RANBP2: variants seen among roughly 807,000 people sequenced by gnomAD.
The protein encoded by RANBP2 is E3 SUMO-protein ligase RanBP2.
Under a neutral mutation model 303.6 loss-of-function variants are expected in RANBP2, and 57 were observed. The ratio of observed to expected loss-of-function variants is 0.19; its 90% CI spans 0.15 to 0.23. The LOEUF is 0.23. RANBP2 is among the 10% of genes least tolerant of loss of function. The pLI, the probability that RANBP2 is intolerant of heterozygous loss-of-function variation, is 1.00. For synonymous variants in RANBP2, 1,167 were observed against 1,301.5 expected (o/e 0.90, Z 2.23); for missense variants, 3,138 against 3,780.8 (o/e 0.83, Z 4.46).
At chr2:109,411,538 A>C in the RANBP2 span, among the ~76,000 whole-genome samples, 1 of 152,198 alleles carries the variant, frequency 6.6e-6, no homozygotes, top group Non-Finnish European at 1.5e-5. Flanking sequence ...AACAGAGACC[A>C]GATTCAGAGG....
At chr2:108,873,022 A>G in the RANBP2 span, among the ~76,000 whole-genome samples, 1 of 152,158 alleles carries the variant, frequency 6.6e-6, no homozygotes, top group Non-Finnish European at 1.5e-5. Context: ...GTGACTGTGT[A>G]AACTGTCATT....
the RANBP2 span, among the ~76,000 whole-genome samples, chr2:109,391,385 G>C: frequency 3.3e-5 from 5 of 152,224 alleles, no homozygotes. Context: ...CCATGTGCTG[G>C]AGGGATGCAG....
At chr2:109,245,267 G>C in the RANBP2 span, among the ~76,000 whole-genome samples, 1 of 152,154 alleles carries the variant, frequency 6.6e-6, no homozygotes, top group Non-Finnish European at 1.5e-5. Context: ...CACAGAGACA[G>C]GAGTAGAGCT....
At chr2:109,435,312 G>A in the RANBP2 span, among the ~76,000 whole-genome samples, 5 of 152,210 alleles carry the variant, frequency 3.3e-5, no homozygotes, top group Non-Finnish European at 7.3e-5. Flanking sequence ...CTCCAAAGCT[G>A]TGCCCCCAGG....
intron 5 of RANBP2, 152 bp downstream of exon 5, chr2:108,735,914 T>C: frequency 6.7e-7 from 1 of 1,502,298 alleles, no homozygotes; most frequent in Non-Finnish European, 8.9e-7. Context: ...TCAGTTAAAT[T>C]TATAATGGGA....
chr2:109,449,159 C>A, the RANBP2 span: 2 of 1,611,946 alleles, frequency 1.2e-6, no homozygotes, highest in Non-Finnish European at 1.7e-6. Context: ...TCTCTCCAAC[C>A]CCGTCTCCAG....
the RANBP2 span, among the ~76,000 whole-genome samples, chr2:109,550,107 A>G: frequency 6.6e-6 from 1 of 151,824 alleles, no homozygotes. Context: ...CCTGACCAAC[A>G]TGGAGAAACC....
chr2:109,615,216 G>T, the RANBP2 span: 1 of 1,546,816 alleles, frequency 6.5e-7, no homozygotes. Context: ...GGGCGACTCA[G>T]ACAGCGCATC....
chr2:109,147,541 A>G, the RANBP2 span, among the ~76,000 whole-genome samples: 2 of 152,208 alleles, frequency 1.3e-5, no homozygotes, highest in African/African-American at 4.8e-5. Flanking sequence ...ATGGAATGCT[A>G]AACATAGTAC....
At chr2:109,278,952 C>G in the RANBP2 span, among the ~76,000 whole-genome samples, 1 of 152,314 alleles carries the variant, frequency 6.6e-6, no homozygotes, top group Non-Finnish European at 1.5e-5. Context: ...TTTGAGCAGT[C>G]AAGAGAAGAC....
At chr2:108,775,051 T>C (rs1303373492) in intron 23 of RANBP2, among the ~76,000 whole-genome samples, 2 of 152,206 alleles carry the variant, frequency 1.3e-5, no homozygotes, top group African/African-American at 4.8e-5. Flanking sequence ...TTATTTCTAG[T>C]ATAAGTATTT....
At chr2:109,102,530 T>C in the RANBP2 span, among the ~76,000 whole-genome samples, 1 of 152,204 alleles carries the variant, frequency 6.6e-6, no homozygotes, top group South Asian at 2.1e-4. Context: ...TAACCTTTAA[T>C]CTCAAAATAC....
the RANBP2 span, among the ~76,000 whole-genome samples, chr2:109,338,031 C>T: frequency 6.6e-6 from 1 of 152,088 alleles, no homozygotes; most frequent in Non-Finnish European, 1.5e-5. Flanking sequence ...CGCGCCCAGG[C>T]TCCTTCTGTT....
the RANBP2 span, among the ~76,000 whole-genome samples, chr2:109,359,221 G>T: frequency 6.6e-6 from 1 of 152,078 alleles, no homozygotes; most frequent in Admixed American, 6.6e-5. Context: ...GTTGGCCCTT[G>T]TTCTTCTCCT....
the RANBP2 span, among the ~76,000 whole-genome samples, chr2:109,028,652 C>T: frequency 6.6e-6 from 1 of 152,226 alleles, no homozygotes; most frequent in Non-Finnish European, 1.5e-5. Context: ...ACCTATTCCA[C>T]AGGCCCTCCG....
the RANBP2 span, among the ~76,000 whole-genome samples, chr2:108,835,617 T>G: frequency 6.6e-6 from 1 of 152,274 alleles, no homozygotes; most frequent in African/African-American, 2.4e-5. Flanking sequence ...GTAAGTCTTT[T>G]TCTGGTCCAC....
chr2:109,440,372 C>T, the RANBP2 span, among the ~76,000 whole-genome samples: 13 of 152,188 alleles, frequency 8.5e-5, no homozygotes, highest in East Asian at 3.9e-4. Flanking sequence ...AAGAAAGACC[C>T]GCAGTGAAGC....
chr2:109,019,430 T>C, the RANBP2 span, among the ~76,000 whole-genome samples: 1 of 152,124 alleles, frequency 6.6e-6, no homozygotes, highest in Admixed American at 6.5e-5. Context: ...GTCTAGACCC[T>C]TGAGATGAGT....
At chr2:109,542,035 G>A in the RANBP2 span, among the ~76,000 whole-genome samples, 2 of 152,138 alleles carry the variant, frequency 1.3e-5, no homozygotes, top group Admixed American at 6.5e-5. Context: ...AAAGTCGGAG[G>A]GAGTACGTAC....
Sources: gnomAD v4.1 joint callset for allele counts (sites outside exome capture counted in the v4.1 genomes callset) on GRCh38, gnomAD v4.1.1 for gene constraint, MANE v1.5 for transcripts, NCBI Gene and HGNC (gene_info 2026-07-23, HGNC 2026-07-21) for gene names.